Variants in NLGN1 observed in about 807,000 individuals in gnomAD.
NLGN1 encodes the protein neuroligin-1.
Under a neutral mutation model 65.5 loss-of-function variants are expected in NLGN1, and 12 were observed. That is an observed-to-expected ratio of 0.18 (90% CI 0.12 to 0.30). The LOEUF is 0.30. Ranked by LOEUF, NLGN1 falls within the 10% of genes least tolerant of loss-of-function variation. NLGN1 has a pLI of 1.00. For missense variants in NLGN1, 750 were observed against 1,007.1 expected (o/e 0.74, Z 3.46); for synonymous variants, 350 against 359.5 (o/e 0.97, Z 0.30).
intron 2 of NLGN1, among the ~76,000 whole-genome samples, chr3:173,569,550 C>CT (rs1320615412): frequency 9.6e-5 from 14 of 146,074 alleles, no homozygotes; most frequent in Non-Finnish European, 1.7e-4. Context: ...ATTTTTTTTT[C>CT]TTTTTTCTGA....
intron 2 of NLGN1, among the ~76,000 whole-genome samples, chr3:173,547,032 T>A (rs1177581316): frequency 6.6e-6 from 1 of 152,166 alleles, no homozygotes; most frequent in Admixed American, 6.5e-5. Context: ...TTCAGAACAT[T>A]CCCATGTTTC....
At chr3:173,796,714 G>A (rs1471447907) in intron 3 of NLGN1, among the ~76,000 whole-genome samples, 1 of 151,990 alleles carries the variant, frequency 6.6e-6, no homozygotes, top group Non-Finnish European at 1.5e-5. Flanking sequence ...ATATTTTGGT[G>A]CTTTGAGATA....
intron 4 of NLGN1, among the ~76,000 whole-genome samples, chr3:174,255,610 A>G (rs1214825476): frequency 7.2e-6 from 1 of 138,686 alleles, no homozygotes; most frequent in African/African-American, 3.1e-5. Context: ...TATAGAACTA[A>G]GTCTTTTTCT....
At chr3:173,492,604 T>G (rs892033973) in intron 2 of NLGN1, among the ~76,000 whole-genome samples, 1 of 151,896 alleles carries the variant, frequency 6.6e-6, no homozygotes. Context: ...ATTAAATTAT[T>G]ACAAGATTAG....
chr3:173,803,805 A>G (rs957046023), intron 3 of NLGN1, among the ~76,000 whole-genome samples: 1 of 152,166 alleles, frequency 6.6e-6, no homozygotes, highest in Non-Finnish European at 1.5e-5. Flanking sequence ...CTGGAGGCAC[A>G]AAAGTCTGCC....
chr3:173,935,713 A>G (rs1487691698), intron 4 of NLGN1, among the ~76,000 whole-genome samples: 1 of 151,746 alleles, frequency 6.6e-6, no homozygotes, highest in East Asian at 1.9e-4. Context: ...AAAACCAGAA[A>G]TTAGATTTTG....
At chr3:174,249,223 T>A (rs73882735) in intron 4 of NLGN1, among the ~76,000 whole-genome samples, 3 of 152,148 alleles carry the variant, frequency 2.0e-5, no homozygotes, top group African/African-American at 7.2e-5. Context: ...AGCCATAAGC[T>A]GAGAACTGCA....
intron 4 of NLGN1, among the ~76,000 whole-genome samples, chr3:174,095,431 A>AT (rs1491447982): frequency 6.6e-6 from 1 of 151,820 alleles, no homozygotes; most frequent in Non-Finnish European, 1.5e-5. Flanking sequence ...GATTGTACAC[A>AT]TGATAGGGGA....
At chr3:173,962,465 G>T (rs918081720) in intron 4 of NLGN1, among the ~76,000 whole-genome samples, 2 of 152,046 alleles carry the variant, frequency 1.3e-5, no homozygotes, top group African/African-American at 4.8e-5. Context: ...ACTCTACCAT[G>T]GACTGTCACA....
chr3:174,082,581 G>GTATATACAATAGTAAAAGAA (rs1184458375), intron 4 of NLGN1, among the ~76,000 whole-genome samples: 15 of 151,676 alleles, frequency 9.9e-5, no homozygotes, highest in Non-Finnish European at 2.9e-5. Flanking sequence ...AGTATATACT[G>GTATATACAATAGTAAAAGAA]TATATACAAT....
At chr3:174,007,860 CATG>C (rs771808898) in intron 4 of NLGN1, among the ~76,000 whole-genome samples, 38 of 152,182 alleles carry the variant, frequency 2.5e-4, no homozygotes, top group East Asian at 1.4e-3. Context: ...CTTGCACAAA[CATG>C]ATGAGGCTGG....
intron 2 of NLGN1, among the ~76,000 whole-genome samples, chr3:173,529,593 T>C (rs1174474227): frequency 1.3e-5 from 2 of 151,816 alleles, no homozygotes; most frequent in Non-Finnish European, 2.9e-5. Flanking sequence ...CCTGGGGGCT[T>C]GTGACTCTTA....
At chr3:173,806,065 C>G (rs2150437742) in intron 3 of NLGN1, among the ~76,000 whole-genome samples, 1 of 152,200 alleles carries the variant, frequency 6.6e-6, no homozygotes, top group East Asian at 1.9e-4. Flanking sequence ...AGATATTATT[C>G]TCAAATATAC....
intron 3 of NLGN1, among the ~76,000 whole-genome samples, chr3:173,620,569 A>C (rs1693641481): frequency 6.6e-6 from 1 of 152,282 alleles, no homozygotes; most frequent in African/African-American, 2.4e-5. Flanking sequence ...GAAAGGCACC[A>C]GAAAATAAAC....
chr3:173,730,328 C>CCA (rs1772592678), intron 3 of NLGN1, among the ~76,000 whole-genome samples: 1 of 137,476 alleles, frequency 7.3e-6, no homozygotes, highest in African/African-American at 2.8e-5. Flanking sequence ...CCGCTCCCCC[C>CCA]CCCCCGCAAA....
intron 4 of NLGN1, among the ~76,000 whole-genome samples, chr3:174,212,343 C>T (rs1476052306): frequency 1.3e-5 from 2 of 152,230 alleles, no homozygotes; most frequent in Non-Finnish European, 2.9e-5. Context: ...GGGTTCCCGC[C>T]CGCGCCTCTC....
chr3:173,402,208 A>G (rs1230723643), intron 1 of NLGN1, among the ~76,000 whole-genome samples: 1 of 152,196 alleles, frequency 6.6e-6, no homozygotes, highest in African/African-American at 2.4e-5. Context: ...AGTAACTTTA[A>G]GATGGGTTGC....
chr3:173,777,631 GTCTATCTATCTA>G (rs747269015), intron 3 of NLGN1, among the ~76,000 whole-genome samples: 153 of 35,954 alleles, frequency 4.3e-3, no homozygotes, highest in South Asian at 0.011. Flanking sequence ...CTGTCTGTCT[GTCTATCTATCTA>G]TCTATCTATC....
In NLGN1 at chr3:173,797,825, A is replaced by G. The variant is rs926931255; in HGVS notation, c.494-9855A>G. Among the ~76,000 whole-genome samples the G allele has an allele frequency of 6.6e-5, 10 of 152,076 alleles. No homozygotes were observed. In the South Asian group the frequency reaches 8.3e-4, roughly 13 times the overall value. ...TGCCCTCAACTAGCAACTGAGAGCC[A>G]TGTGCCACATGCAAAGAAGTGGGCG... On this transcript the variant is annotated intron_variant, in intron 3 of 6. Coordinates refer to ENST00000457714, the Ensembl canonical transcript of NLGN1.
Sources: allele counts gnomAD v4.1 joint callset (sites outside exome capture counted in the v4.1 genomes callset), GRCh38; gene constraint gnomAD v4.1.1; transcripts MANE v1.5; gene names NCBI Gene and HGNC (gene_info 2026-07-23, HGNC 2026-07-21).